Variants in RBFOX1 observed in about 807,000 individuals in gnomAD.
RBFOX1 encodes RNA binding fox-1 homolog 1.
In RBFOX1, 8 loss-of-function variants were observed where a neutral mutation model predicts 57.7. The observed-to-expected ratio is 0.14, with a 90% CI of 0.08 to 0.25. The LOEUF is 0.25. RBFOX1 is among the 10% of genes least tolerant of loss of function. The probability of loss-of-function intolerance (pLI) is 1.00; values close to 1 mark genes in which losing one functional copy is unlikely to be tolerated. For synonymous variants in RBFOX1, 326 were observed against 222.4 expected (o/e 1.47, Z -4.15); for missense variants, 611 against 548.5 (o/e 1.11, Z -1.14).
chr16:7,131,576 T>G (rs954343817), intron 4 of RBFOX1, among the ~76,000 whole-genome samples: 1 of 151,750 alleles, frequency 6.6e-6, no homozygotes, highest in African/African-American at 2.4e-5. Flanking sequence ...TGAACCATGT[T>G]CATTTGACTC....
chr16:7,344,188 C>T (rs1447037815), intron 4 of RBFOX1, among the ~76,000 whole-genome samples: 1 of 146,500 alleles, frequency 6.8e-6, no homozygotes, highest in African/African-American at 2.5e-5. Flanking sequence ...ATTAAAAGTG[C>T]CTAAATTCAA....
Position 5,427,041 on chromosome 16 carries a change from T to G in RBFOX1, c.220-40175T>G, listed in dbSNP as rs575775656. Among the ~76,000 whole-genome samples, 3 of 152,286 alleles carry G rather than the reference T, an allele frequency of 2.0e-5. No homozygotes were observed. In the South Asian group the frequency reaches 6.2e-4, roughly 32 times the overall value. On this transcript the variant is annotated intron_variant, in intron 1 of 2. Transcript: ENST00000585867. ...CTCCTTTCATGCCACCTCCTCTGTTTTTTTGGCTTTTACCTCATGGTGTCT... is the reference window on the plus strand; with the variant it reads ...CTCCTTTCATGCCACCTCCTCTGTTGTTTTGGCTTTTACCTCATGGTGTCT...
intron 2 of RBFOX1, among the ~76,000 whole-genome samples, chr16:5,535,143 AATT>A (rs2044645893): frequency 6.6e-6 from 1 of 152,228 alleles, no homozygotes; most frequent in Non-Finnish European, 1.5e-5. Flanking sequence ...GGTTTGAAAA[AATT>A]AACTAAAATT....
intron 1 of RBFOX1, among the ~76,000 whole-genome samples, chr16:6,296,291 G>A (rs1275916998): frequency 1.3e-5 from 2 of 152,170 alleles, no homozygotes; most frequent in African/African-American, 4.8e-5. Flanking sequence ...TCCGGAAGCA[G>A]AATCCTGGCT....
intron 2 of RBFOX1, among the ~76,000 whole-genome samples, chr16:5,565,845 G>C (rs1274552543): frequency 1.3e-5 from 2 of 151,930 alleles, no homozygotes; most frequent in South Asian, 4.2e-4. Flanking sequence ...TGGGTGATAT[G>C]GTTTGGCTGC....
intron 3 of RBFOX1, among the ~76,000 whole-genome samples, chr16:6,945,428 G>A (rs1288592177): frequency 2.0e-5 from 3 of 151,950 alleles, no homozygotes; most frequent in African/African-American, 7.3e-5. Context: ...TAGATCCAAT[G>A]GTGCCAGATT....
chr16:6,369,941 T>C (rs1567137508), intron 2 of RBFOX1, among the ~76,000 whole-genome samples: 1 of 152,232 alleles, frequency 6.6e-6, no homozygotes, highest in Non-Finnish European at 1.5e-5. Flanking sequence ...ATGGCAGTTT[T>C]GTTCATGGTC....
At chr16:6,492,361 A>G (rs1364945348) in intron 2 of RBFOX1, among the ~76,000 whole-genome samples, 1 of 152,196 alleles carries the variant, frequency 6.6e-6, no homozygotes, top group Non-Finnish European at 1.5e-5. Flanking sequence ...TGAGGTCAGG[A>G]GTTCAAGACC....
At chr16:7,475,865 G>C (rs1258223634) in intron 4 of RBFOX1, among the ~76,000 whole-genome samples, 1 of 152,204 alleles carries the variant, frequency 6.6e-6, no homozygotes, top group Non-Finnish European at 1.5e-5. Context: ...GCATTTATTT[G>C]GTGCTTACTA....
rs112779069 is a variant in RBFOX1, at chr16:7,304,297, GAAA to G, written c.28-213841_28-213839del. The G allele has an allele frequency of 3.5e-6, 3 of 848,540 alleles. No homozygotes were observed. The East Asian group carries it at 3.7e-4, about 106-fold the overall frequency. The allele number at this position is 848,540 out of a possible 1,614,324, so 52.6% of individuals were successfully genotyped here. The stretch of plus-strand genomic sequence containing the variant: ...TTAGATAACCAGCAAAATTAAAAAA[GAAA>G]AAAAAAAATTGTAGCGCCCAGGCAG... On this transcript the variant is annotated intron_variant, in intron 4 of 15. Transcript: ENST00000550418.
At chr16:5,480,997 G>C (rs529472747) in intron 2 of RBFOX1, among the ~76,000 whole-genome samples, 12 of 152,188 alleles carry the variant, frequency 7.9e-5, no homozygotes, top group African/African-American at 2.9e-4. Context: ...ATTCATGCAG[G>C]TTGTAGCAAC....
intron 3 of RBFOX1, among the ~76,000 whole-genome samples, chr16:6,684,738 G>C (rs756357407): frequency 6.6e-6 from 1 of 152,186 alleles, no homozygotes; most frequent in African/African-American, 2.4e-5. Flanking sequence ...GCCCCCTGTC[G>C]TGAATGACCG....
At chr16:5,774,984 A>G (rs2054099664) in intron 3 of RBFOX1, among the ~76,000 whole-genome samples, 1 of 152,202 alleles carries the variant, frequency 6.6e-6, no homozygotes, top group Admixed American at 6.5e-5. Flanking sequence ...CACCCAGCTC[A>G]GAGGATTTAA....
At chr16:7,345,808 T>A (rs2096989007) in intron 4 of RBFOX1, among the ~76,000 whole-genome samples, 1 of 152,158 alleles carries the variant, frequency 6.6e-6, no homozygotes, top group South Asian at 2.1e-4. Flanking sequence ...TTTCTTTTTC[T>A]TTTTTTAATT....
intron 2 of RBFOX1, among the ~76,000 whole-genome samples, chr16:5,572,391 T>A (rs770463541): frequency 1.8e-4 from 28 of 152,198 alleles, no homozygotes; most frequent in Non-Finnish European, 2.4e-4. Flanking sequence ...TAACAGTATA[T>A]TCTGTGGCAG....
At chr16:7,479,023 A>G (rs888444171) in intron 4 of RBFOX1, among the ~76,000 whole-genome samples, 1 of 152,164 alleles carries the variant, frequency 6.6e-6, no homozygotes, top group African/African-American at 2.4e-5. Context: ...GAGAGTGTAG[A>G]AGAGTTTATC....
chr16:6,174,464 G>A (rs186889478), intron 1 of RBFOX1, among the ~76,000 whole-genome samples: 25 of 152,240 alleles, frequency 1.6e-4, no homozygotes, highest in Admixed American at 1.4e-3. Flanking sequence ...GCATGGAGGT[G>A]CGTGCCTGTA....
intron 1 of RBFOX1, among the ~76,000 whole-genome samples, chr16:5,327,150 C>T (rs1468385568): frequency 1.3e-5 from 2 of 152,170 alleles, no homozygotes; most frequent in Non-Finnish European, 2.9e-5. Flanking sequence ...TCTGAGTGAT[C>T]ATTGAATAGG....
chr16:6,786,888 C>T (rs1389518109), intron 3 of RBFOX1, among the ~76,000 whole-genome samples: 2 of 131,108 alleles, frequency 1.5e-5, no homozygotes, highest in African/African-American at 6.2e-5. Context: ...AATTGCTTAG[C>T]CGGCAGGCTT....
Sources: gnomAD v4.1 joint callset for allele counts (sites outside exome capture counted in the v4.1 genomes callset) on GRCh38, gnomAD v4.1.1 for gene constraint, MANE v1.5 for transcripts, NCBI Gene and HGNC (gene_info 2026-07-23, HGNC 2026-07-21) for gene names.